ADAMTSL1: variants seen among roughly 807,000 people sequenced by gnomAD.
The protein encoded by ADAMTSL1 is ADAMTS-like protein 1.
ADAMTSL1 carries 126 observed loss-of-function variants against 201.8 expected under a neutral mutation model. The observed-to-expected ratio is 0.62, with a 90% CI of 0.54 to 0.72. The LOEUF is 0.72. Among genes scored for constraint, ADAMTSL1 ranks in the 30% least tolerant of loss-of-function variants. ADAMTSL1 has a pLI of 0.00. For missense variants in ADAMTSL1, 2,679 were observed against 2,277.8 expected (o/e 1.18, Z -3.59); for synonymous variants, 1,121 against 903.4 (o/e 1.24, Z -4.32).
intron 23 of ADAMTSL1, among the ~76,000 whole-genome samples, chr9:18,846,514 T>C (rs1039283109): frequency 1.3e-5 from 2 of 152,006 alleles, no homozygotes; most frequent in African/African-American, 2.4e-5. Flanking sequence ...AAGAGGGAGG[T>C]GGAGCAAATT....
intron 13 of ADAMTSL1, among the ~76,000 whole-genome samples, chr9:18,685,194 G>A (rs1297009302): frequency 1.3e-5 from 2 of 152,200 alleles, no homozygotes; most frequent in East Asian, 1.9e-4. Context: ...AAATTAAAGA[G>A]CAAGTAAAGT....
chr9:18,262,435 T>G lies in ADAMTSL1; in HGVS notation c.207+98454T>G, dbSNP rs145835510. Among the ~76,000 whole-genome samples, 892 of 152,314 alleles carry G rather than the reference T, an allele frequency of 5.9e-3. 1 individual carries two copies. Among genetic ancestry groups the G allele is most frequent in the Non-Finnish European group, 8.4e-3 (570 of 68,016 alleles). On this transcript the variant is annotated intron_variant, in intron 2 of 29. Transcript: ENST00000680146. ...TAAACATATTATTTTTAAATGTGAATAACTAATTTTTAAAAATGTATACAC... is the reference window on the plus strand; with the variant it reads ...TAAACATATTATTTTTAAATGTGAAGAACTAATTTTTAAAAATGTATACAC...
intron 4 of ADAMTSL1, among the ~76,000 whole-genome samples, chr9:18,611,671 C>T (rs1825377160): frequency 6.6e-6 from 1 of 152,060 alleles, no homozygotes; most frequent in African/African-American, 2.4e-5. Context: ...TTTATCCAGC[C>T]ATTAGATGGT....
At position 18,777,781 on chromosome 9, in the gene ADAMTSL1, C is replaced by G. The variant is rs768364593; in HGVS notation, c.3552C>G (p.His1184Gln). The part of the protein sequence containing the change: ...QQLSASEVVT[H>Q]LGQTVALASG... Reference sequence around the variant, plus strand: ...TCTCAGCCTCGGAGGTGGTCACCCACCTGGGGCAGACGGTGGCCCTGGCCA... The same window carrying G: ...TCTCAGCCTCGGAGGTGGTCACCCAGCTGGGGCAGACGGTGGCCCTGGCCA... Residue 1184 changes from histidine to glutamine, a missense_variant, in exon 19 of 29, where the codon CAC becomes CAG. Coordinates refer to ENST00000380548, the MANE Select transcript of ADAMTSL1 (RefSeq NM_001040272.6). 6.2e-7 allele frequency: 1 copy of G among 1,613,814 alleles called. No homozygotes were observed. Among genetic ancestry groups the G allele is most frequent in the East Asian group, 2.2e-5 (1 of 44,874 alleles).
chr9:18,179,679 G>A (rs1044707840), intron 2 of ADAMTSL1, among the ~76,000 whole-genome samples: 59 of 152,108 alleles, frequency 3.9e-4, no homozygotes, highest in Admixed American at 8.5e-4. Flanking sequence ...CGGATCTCTC[G>A]GCAGAAACTC....
intron 2 of ADAMTSL1, among the ~76,000 whole-genome samples, chr9:18,399,330 AAATT>A (rs1817890669): frequency 1.8e-5 from 1 of 56,630 alleles, no homozygotes; most frequent in Non-Finnish European, 3.6e-5. Context: ...TATATATATA[AAATT>A]ATTATTTTCT....
At chr9:17,913,647 C>G (rs1289335976) in intron 1 of ADAMTSL1, among the ~76,000 whole-genome samples, 1 of 152,082 alleles carries the variant, frequency 6.6e-6, no homozygotes, top group African/African-American at 2.4e-5. Context: ...CAAAAGCTAG[C>G]AGAAGGCAAG....
At chr9:18,714,089 C>G (rs939543552) in intron 14 of ADAMTSL1, among the ~76,000 whole-genome samples, 1 of 152,120 alleles carries the variant, frequency 6.6e-6, no homozygotes, top group Non-Finnish European at 1.5e-5. Flanking sequence ...CTCTGGGACA[C>G]ATTCAAGGCA....
chr9:18,332,294 A>C (rs1835061071), intron 2 of ADAMTSL1, among the ~76,000 whole-genome samples: 1 of 152,208 alleles, frequency 6.6e-6, no homozygotes, highest in Non-Finnish European at 1.5e-5. Context: ...AAGTTTTTAT[A>C]ATTTTATATT....
intron 2 of ADAMTSL1, among the ~76,000 whole-genome samples, chr9:18,166,101 G>A (rs1432472843): frequency 6.6e-6 from 1 of 151,982 alleles, no homozygotes; most frequent in East Asian, 1.9e-4. Flanking sequence ...TACTCTGTTT[G>A]TACAAACCTA....
In ADAMTSL1 at chr9:18,770,623, G is replaced by A; in HGVS notation, c.2239G>A (p.Gly747Ser). 1 of 1,613,028 alleles carries A rather than the reference G, an allele frequency of 6.2e-7. No individual in the cohort carries two copies. The highest frequency in any genetic ancestry group is 8.5e-7 in the Non-Finnish European group (1 of 1,179,566). The change falls in exon 17 of 29, where the codon GGT becomes AGT. Residue 747 changes from glycine to serine, a missense_variant. Gly to Ser is a moderately conservative substitution (Grantham distance 56). Transcript: ENST00000380548. ...CCAGTGTTCCAGAACGTGTGGCGGG[G>A]GTGTTCAGAAACGTGAGGTTCTTTG... ...WQPCSRTCGG[G>S]VQKREVLCKQ...
chr9:18,354,504 C>G (rs1836121465), intron 2 of ADAMTSL1, among the ~76,000 whole-genome samples: 1 of 152,140 alleles, frequency 6.6e-6, no homozygotes, highest in Admixed American at 6.5e-5. Flanking sequence ...TCTCCTGACA[C>G]AATGAGATCA....
intron 2 of ADAMTSL1, among the ~76,000 whole-genome samples, chr9:18,292,473 C>T (rs1225343744): frequency 1.3e-5 from 2 of 152,136 alleles, no homozygotes; most frequent in African/African-American, 4.8e-5. Flanking sequence ...AGTACTGTTC[C>T]TGGGTGTGTC....
chr9:18,870,339 A>G (rs1433785460), intron 23 of ADAMTSL1, among the ~76,000 whole-genome samples: 1 of 152,126 alleles, frequency 6.6e-6, no homozygotes, highest in East Asian at 1.9e-4. Context: ...GCTCTGAATT[A>G]TGTTATGTTC....
chr9:18,573,879 A>G (rs1822510467), intron 3 of ADAMTSL1, 151 bp from the exon 4 acceptor site: 1 of 592,804 alleles, frequency 1.7e-6, no homozygotes, highest in African/African-American at 1.8e-5. Context: ...ATAATCATAT[A>G]ACCTCTAAGA....
intron 1 of ADAMTSL1, among the ~76,000 whole-genome samples, chr9:17,981,314 C>T (rs1261021773): frequency 6.6e-6 from 1 of 152,248 alleles, no homozygotes; most frequent in Non-Finnish European, 1.5e-5. Flanking sequence ...CTATTGCAGA[C>T]TGAACTGAGT....
chr9:18,676,416 C>A (rs141016997), intron 10 of ADAMTSL1, among the ~76,000 whole-genome samples: 11 of 152,020 alleles, frequency 7.2e-5, no homozygotes, highest in African/African-American at 9.6e-5. Flanking sequence ...TTTTAATATT[C>A]TTATTGTTCA....
intron 1 of ADAMTSL1, among the ~76,000 whole-genome samples, chr9:18,040,175 A>T (rs1360349758): frequency 1.3e-5 from 2 of 152,184 alleles, no homozygotes; most frequent in Non-Finnish European, 2.9e-5. Context: ...GTGCATGTAT[A>T]GTAAGCAACA....
intron 2 of ADAMTSL1, among the ~76,000 whole-genome samples, chr9:18,170,291 G>A (rs1183822200): frequency 6.6e-6 from 1 of 151,976 alleles, no homozygotes; most frequent in Non-Finnish European, 1.5e-5. Flanking sequence ...AAAGGAAAAA[G>A]GAAGCTGGGG....
Sources: gnomAD v4.1 joint callset for allele counts (sites outside exome capture counted in the v4.1 genomes callset) on GRCh38, gnomAD v4.1.1 for gene constraint, MANE v1.5 for transcripts, NCBI Gene and HGNC (gene_info 2026-07-23, HGNC 2026-07-21) for gene names.